Variants in DNAAF9 observed in about 807,000 individuals in gnomAD.
DNAAF9 encodes shulin.
A neutral mutation model predicts 167.0 loss-of-function variants in DNAAF9; 90 were observed. The ratio of observed to expected loss-of-function variants is 0.54; its 90% CI spans 0.45 to 0.64. The LOEUF is 0.64. DNAAF9 is among the 30% of genes least tolerant of loss of function. DNAAF9 has a pLI of 0.00. For synonymous variants in DNAAF9, 491 were observed against 508.8 expected (o/e 0.96, Z 0.47); for missense variants, 1,315 against 1,442.2 (o/e 0.91, Z 1.43).
intron 7 of DNAAF9, among the ~76,000 whole-genome samples, chr20:3,352,844 A>ATT (rs1268161248): frequency 4.5e-4 from 30 of 66,236 alleles, no homozygotes; most frequent in African/African-American, 6.0e-4. Flanking sequence ...AGTTCAAAAT[A>ATT]TTTATATATA....
At chr20:3,305,347 G>T (rs118037571) in intron 20 of DNAAF9, among the ~76,000 whole-genome samples, 1 of 152,200 alleles carries the variant, frequency 6.6e-6, no homozygotes, top group African/African-American at 2.4e-5. Flanking sequence ...CTCTGGGGCT[G>T]GTCCAAGCTG....
In DNAAF9 at chr20:3,253,766, T is replaced by C; in HGVS notation, c.3381A>G (p.Gln1127=). The part of the protein sequence containing the change: ...LPAGYFYNGT[Q]FVNFFGDKTD... The stretch of plus-strand genomic sequence containing the variant: ...TTTTGTCACCAAAGAAGTTAACAAA[T>C]TGGGTGCCATTATAAAAGTAGCCTG... The change falls in exon 36 of 37, where the codon CAA becomes CAG. Residue 1127 remains glutamine, a synonymous_variant. Transcript: ENST00000252032. The C allele has an allele frequency of 6.2e-7, 1 of 1,613,374 alleles. No individual in the cohort carries two copies. Among genetic ancestry groups the C allele is most frequent in the Non-Finnish European group, 8.5e-7 (1 of 1,179,374 alleles).
chr20:3,298,995 G>A (rs1427679587), intron 21 of DNAAF9, among the ~76,000 whole-genome samples: 2 of 134,190 alleles, frequency 1.5e-5, no homozygotes, highest in African/African-American at 2.8e-5. Context: ...TGCAACCCCC[G>A]CCTCCTGGGT....
intron 20 of DNAAF9, among the ~76,000 whole-genome samples, chr20:3,313,832 T>C (rs2069455207): frequency 6.6e-6 from 1 of 152,278 alleles, no homozygotes; most frequent in East Asian, 1.9e-4. Flanking sequence ...GGTGTAGCTA[T>C]AAGCTCAGAG....
rs1600916730 is a variant in DNAAF9, at chr20:3,392,202, T to A, written c.84-9696A>T. On this transcript the variant is annotated intron_variant, in intron 1 of 36. Transcript: ENST00000252032. ...AAAGAAATAAATTTTTTCAAACATA[T>A]ACCATACCCAGCAATGACACTGCCC... 2.6e-5 allele frequency among the ~76,000 whole-genome samples: 4 copies of A among 152,040 alleles called. No individual in the cohort carries two copies. The South Asian group carries it at 8.3e-4, about 32-fold the overall frequency.
At chr20:3,264,161 C>T (rs568125880) in intron 31 of DNAAF9, among the ~76,000 whole-genome samples, 2 of 152,342 alleles carry the variant, frequency 1.3e-5, no homozygotes, top group South Asian at 2.1e-4. Context: ...TCAGTAGGGG[C>T]TGGAGGAACA....
intron 30 of DNAAF9, among the ~76,000 whole-genome samples, chr20:3,268,330 C>A (rs1236458590): frequency 1.3e-5 from 2 of 148,990 alleles, no homozygotes; most frequent in African/African-American, 2.5e-5. Context: ...TCACTGTGCC[C>A]GGCCCCTTTT....
intron 10 of DNAAF9, among the ~76,000 whole-genome samples, chr20:3,337,039 C>T (rs2069970657): frequency 6.6e-6 from 1 of 151,720 alleles, no homozygotes; most frequent in Non-Finnish European, 1.5e-5. Flanking sequence ...GCCACCACAC[C>T]CAGCTAATTT....
At chr20:3,360,533 C>G (rs924899546) in intron 6 of DNAAF9, among the ~76,000 whole-genome samples, 1 of 152,058 alleles carries the variant, frequency 6.6e-6, no homozygotes, top group Non-Finnish European at 1.5e-5. Context: ...GGTATGCATC[C>G]AAATTTCAGC....
chr20:3,406,766 A>G (rs1281495144), intron 1 of DNAAF9, among the ~76,000 whole-genome samples: 1 of 152,034 alleles, frequency 6.6e-6, no homozygotes, highest in African/African-American at 2.4e-5. Flanking sequence ...CTATTTATCC[A>G]GTTTTTCCTC....
chr20:3,350,444 C>A (rs1482896677), intron 7 of DNAAF9, among the ~76,000 whole-genome samples: 1 of 151,982 alleles, frequency 6.6e-6, no homozygotes, highest in South Asian at 2.1e-4. Flanking sequence ...ATCTATCTAT[C>A]TATATATACA....
chr20:3,263,896 G>C (rs1190001473), intron 31 of DNAAF9, among the ~76,000 whole-genome samples: 1 of 152,222 alleles, frequency 6.6e-6, no homozygotes, highest in Non-Finnish European at 1.5e-5. Context: ...ACAATAGCTA[G>C]CACACACAGT....
chr20:3,397,946 G>A (rs2083933299), intron 1 of DNAAF9, among the ~76,000 whole-genome samples: 1 of 152,156 alleles, frequency 6.6e-6, no homozygotes, highest in Admixed American at 6.5e-5. Flanking sequence ...CTCAGAGAAT[G>A]AGTGGGAAAG....
Position 3,251,154 on chromosome 20 carries a change from T to C in DNAAF9, c.*1418A>G, listed in dbSNP as rs1395595432. The C allele has an allele frequency of 2.6e-5, 4 of 152,032 alleles. No homozygotes were observed. The highest frequency in any genetic ancestry group is 5.9e-5 in the Non-Finnish European group (4 of 67,998). The allele number at this position is 152,032 out of a possible 1,614,324, so 9.4% of individuals were successfully genotyped here. On this transcript the variant is annotated 3_prime_UTR_variant, in exon 37 of 37. Coordinates refer to ENST00000252032, the MANE Select transcript of DNAAF9 (RefSeq NM_001009984.3). ...TGGCTTCAAATTGTTTTTTTTTTTT[T>C]TCTAATATATTTTACTGACAAGCCC...
chr20:3,266,893 C>T (rs2068500622), intron 30 of DNAAF9, among the ~76,000 whole-genome samples: 1 of 148,594 alleles, frequency 6.7e-6, no homozygotes, highest in African/African-American at 2.5e-5. Context: ...GCTCTTGTTG[C>T]CTAGGCTAGA....
intron 28 of DNAAF9, among the ~76,000 whole-genome samples, 197 bp downstream of exon 28, chr20:3,281,444 A>C (rs1413284161): frequency 1.3e-5 from 2 of 152,224 alleles, no homozygotes; most frequent in African/African-American, 4.8e-5. Flanking sequence ...TCCCTCACAA[A>C]AGCTAAGCTT....
At chr20:3,334,328 T>A (rs186301905) in intron 10 of DNAAF9, among the ~76,000 whole-genome samples, 58 of 152,338 alleles carry the variant, frequency 3.8e-4, no homozygotes, top group African/African-American at 1.4e-3. Context: ...ACATCCAATC[T>A]GACTCTCCTC....
intron 1 of DNAAF9, among the ~76,000 whole-genome samples, chr20:3,401,517 C>A (rs1242584213): frequency 6.6e-6 from 1 of 152,174 alleles, no homozygotes; most frequent in Non-Finnish European, 1.5e-5. Context: ...CACTTTCTTA[C>A]CACCTAGCTC....
At chr20:3,379,796 C>G (rs1006563221) in intron 3 of DNAAF9, among the ~76,000 whole-genome samples, 6 of 152,132 alleles carry the variant, frequency 3.9e-5, no homozygotes, top group Non-Finnish European at 7.4e-5. Context: ...CGTGGTGGCT[C>G]ACAGCTGTAA....
Sources: gnomAD v4.1 joint callset for allele counts (sites outside exome capture counted in the v4.1 genomes callset) on GRCh38, gnomAD v4.1.1 for gene constraint, MANE v1.5 for transcripts, NCBI Gene and HGNC (gene_info 2026-07-23, HGNC 2026-07-21) for gene names.